The following TIAM2 variants were observed in gnomAD, a reference collection of about 807,000 sequenced individuals.
The protein encoded by TIAM2 is rho guanine nucleotide exchange factor TIAM2.
TIAM2 carries 80 observed loss-of-function variants against 152.9 expected under a neutral mutation model. The observed-to-expected ratio is 0.52, with a 90% CI of 0.44 to 0.63. The LOEUF is 0.63. Among genes scored for constraint, TIAM2 ranks in the 30% least tolerant of loss-of-function variants. TIAM2 has a pLI of 0.00. For synonymous variants in TIAM2, 804 were observed against 838.0 expected, an observed-to-expected ratio of 0.96 and a Z score of 0.70; for missense variants, 1,965 against 2,120.1, an observed-to-expected ratio of 0.93 and a Z score of 1.44.
At chr6:155,123,423 T>C (rs1307459031) in intron 2 of TIAM2, among the ~76,000 whole-genome samples, 8 of 152,176 alleles carry the variant, frequency 5.3e-5, no homozygotes. Context: ...TGAATTGCTG[T>C]CATTTGGTCC....
intron 26 of TIAM2, 150 bp downstream of exon 26, chr6:155,254,723 G>A (rs1783891845): frequency 3.0e-6 from 3 of 984,198 alleles, no homozygotes; most frequent in Admixed American, 5.5e-5. Flanking sequence ...CATGCCTCTT[G>A]CTCCCAGACG....
chr6:155,186,955 C>G lies in TIAM2; in HGVS notation c.3064+3455C>G, dbSNP rs1562346932. Reference sequence around the variant, plus strand: ...AAGAAGGAAAGTTCTGTTTGCTTTTCCAGAGAAGCCAATCCTTTGCTTGCT... The same window carrying G: ...AAGAAGGAAAGTTCTGTTTGCTTTTGCAGAGAAGCCAATCCTTTGCTTGCT... On this transcript the variant is annotated intron_variant, in intron 14 of 26. Transcript: ENST00000682666. This position sits in a 1 kb window ranked among gnomAD's most constrained non-coding sequence, Gnocchi z 4.5. Among the ~76,000 whole-genome samples, 1 of 152,130 alleles carries G rather than the reference C, an allele frequency of 6.6e-6. No homozygotes were observed. Among genetic ancestry groups the G allele is most frequent in the Non-Finnish European group, 1.5e-5 (1 of 68,022 alleles).
At chr6:155,087,611 T>C (rs1167726603) in intron 1 of TIAM2, among the ~76,000 whole-genome samples, 1 of 151,804 alleles carries the variant, frequency 6.6e-6, no homozygotes, top group Non-Finnish European at 1.5e-5. Context: ...TAGCCAGGCG[T>C]GGTGGTGGGT....
In TIAM2 at chr6:155,038,488, G is replaced by A. The variant is rs573270366; in HGVS notation, c.-209+42996G>A. ...ATACATGATGCAGAGAAGGTGCTGC[G>A]CCAAGCACTGTGTGCGTGCTCCCTT... On this transcript the variant is annotated intron_variant, in intron 1 of 26. Transcript: ENST00000682666. Among the ~76,000 whole-genome samples, 6 of 152,306 alleles carry A rather than the reference G, an allele frequency of 3.9e-5. No homozygotes were observed. In the South Asian group the frequency reaches 1.2e-3, roughly 32 times the overall value.
intron 1 of TIAM2, among the ~76,000 whole-genome samples, chr6:155,002,896 G>A (rs1778336977): frequency 6.6e-6 from 1 of 151,730 alleles, no homozygotes; most frequent in Non-Finnish European, 1.5e-5. Context: ...GTTTCACCAT[G>A]TTGACCAGGC....
At chr6:155,128,265 A>C (rs1171783373) in intron 3 of TIAM2, among the ~76,000 whole-genome samples, 1 of 152,144 alleles carries the variant, frequency 6.6e-6, no homozygotes, top group Non-Finnish European at 1.5e-5. Flanking sequence ...TTTTATTAAA[A>C]TGTTTTTCTT....
chr6:155,244,137 T>C, intron 17 of TIAM2, 58 bp downstream of exon 17: 1 of 1,495,740 alleles, frequency 6.7e-7, no homozygotes, highest in East Asian at 2.3e-5. Context: ...CTGTTTGCCT[T>C]TTAGCAGAAC....
At chr6:155,079,639 G>C (rs1583179941) in intron 1 of TIAM2, among the ~76,000 whole-genome samples, 1 of 152,160 alleles carries the variant, frequency 6.6e-6, no homozygotes, top group East Asian at 1.9e-4. Context: ...CCTAGCATTT[G>C]CTTTGTTCAA....
At chr6:155,217,875 G>C (rs1267609657) in intron 15 of TIAM2, among the ~76,000 whole-genome samples, 1 of 152,176 alleles carries the variant, frequency 6.6e-6, no homozygotes, top group Non-Finnish European at 1.5e-5. Context: ...ATGGTTTTTA[G>C]TGTACAGCGT....
intron 1 of TIAM2, among the ~76,000 whole-genome samples, chr6:155,065,080 A>G (rs1227230605): frequency 6.6e-6 from 1 of 152,026 alleles, no homozygotes; most frequent in African/African-American, 2.4e-5. Flanking sequence ...CAGCTTCCTG[A>G]GTAGCTGGGA....
chr6:155,196,109 T>C (rs1333051686), intron 14 of TIAM2, among the ~76,000 whole-genome samples: 1 of 152,116 alleles, frequency 6.6e-6, no homozygotes, highest in Non-Finnish European at 1.5e-5. Context: ...GGCTTTGCCG[T>C]CACCCAGGCG....
intron 1 of TIAM2, among the ~76,000 whole-genome samples, chr6:154,997,629 ATTTTTTTTTTTTTTTT>A (rs57280691): frequency 4.8e-5 from 3 of 62,110 alleles, no homozygotes; most frequent in South Asian, 7.9e-4. Context: ...GAAAGAATGG[ATTTTTTTTTTTTTTTT>A]TTTTTTTTTT....
chr6:155,169,832 T>C (rs1780538193), intron 9 of TIAM2, among the ~76,000 whole-genome samples: 1 of 152,156 alleles, frequency 6.6e-6, no homozygotes, highest in African/African-American at 2.4e-5. Context: ...TAATTTTTTT[T>C]TTTTCAGATG....
chr6:155,157,527 G>A (rs995809020), intron 7 of TIAM2, among the ~76,000 whole-genome samples: 26 of 151,048 alleles, frequency 1.7e-4, no homozygotes, highest in African/African-American at 4.9e-5. Flanking sequence ...GGTTGGTCTC[G>A]AACTCCTGGG....
rs1310372655 is a variant in TIAM2 at position 155,130,029 on chromosome 6, C to T, written c.806C>T (p.Ala269Val). 1.9e-6 allele frequency: 3 copies of T among 1,613,926 alleles called. No homozygotes were observed. Among genetic ancestry groups the T allele is most frequent in the African/African-American group, 1.3e-5 (1 of 74,924 alleles). The change falls in exon 4 of 27, where the codon GCC becomes GTC. Residue 269 changes from alanine to valine, a missense_variant. Coordinates refer to ENST00000682666, the MANE Select transcript of TIAM2 (RefSeq NM_012454.4). ...ELSEAEGSFLAPGMPDPSLHA... is the reference protein window; with the variant it reads ...ELSEAEGSFLVPGMPDPSLHA... ...AGCGAGGCTGAGGGCTCCTTCCTGGCCCCCGGCATGCCTGACCCCAGTCTC... is the reference window on the plus strand; with the variant it reads ...AGCGAGGCTGAGGGCTCCTTCCTGGTCCCCGGCATGCCTGACCCCAGTCTC...
At position 155,248,107 on chromosome 6, in the gene TIAM2, A is replaced by C; in HGVS notation, c.3760A>C (p.Lys1254Gln). 1 of 1,614,206 alleles carries C rather than the reference A, an allele frequency of 6.2e-7. No homozygotes were observed. The part of the protein sequence containing the change: ...YLIKPVQRVL[K>Q]YPLLLKELVS... The stretch of plus-strand genomic sequence containing the variant: ...CATCAAGCCGGTTCAGAGAGTGCTC[A>C]AGTACCCGCTGCTGCTCAAGGAGCT... The change falls in exon 20 of 27, where the codon AAG becomes CAG. Residue 1254 changes from lysine to glutamine, a missense_variant. By Grantham distance (53) the Lys-to-Gln change is moderately conservative (BLOSUM62 1). Transcript: ENST00000682666.
At chr6:155,147,958 G>A in intron 6 of TIAM2, 152 bp from the exon 7 acceptor site, 2 of 723,308 alleles carry the variant, frequency 2.8e-6, no homozygotes, top group South Asian at 3.5e-5. Context: ...CTGAACCTGA[G>A]TTGAATGGTT....
chr6:155,184,247 C>T (rs539853143), intron 14 of TIAM2, among the ~76,000 whole-genome samples: 1 of 152,316 alleles, frequency 6.6e-6, no homozygotes, highest in South Asian at 2.1e-4. Flanking sequence ...CCTCGGTCTC[C>T]CAGAGTGCTG....
At chr6:155,065,766 C>G (rs570419983) in intron 1 of TIAM2, among the ~76,000 whole-genome samples, 6 of 152,176 alleles carry the variant, frequency 3.9e-5, no homozygotes, top group African/African-American at 1.4e-4. Flanking sequence ...AAGACTGTCT[C>G]TCCCCACCAA....
Sources: allele counts gnomAD v4.1 joint callset (sites outside exome capture counted in the v4.1 genomes callset), GRCh38; gene constraint gnomAD v4.1.1; non-coding constraint Gnocchi (gnomAD v3.1); transcripts MANE v1.5; gene names NCBI Gene and HGNC (gene_info 2026-07-23, HGNC 2026-07-21).